Variants in EZH2 observed in about 807,000 individuals in gnomAD.
EZH2 encodes the protein histone-lysine N-methyltransferase EZH2.
In EZH2, 18 loss-of-function variants were observed where a neutral mutation model predicts 98.4. The observed-to-expected ratio is 0.18, with a 90% CI of 0.13 to 0.27. EZH2 has a LOEUF of 0.27. Ranked by LOEUF, EZH2 falls within the 10% of genes least tolerant of loss-of-function variation. EZH2 has a pLI of 1.00. For synonymous variants in EZH2, 338 were observed against 312.3 expected (o/e 1.08, Z -0.87); for missense variants, 470 against 935.1 (o/e 0.50, Z 6.49).
intron 3 of EZH2, among the ~76,000 whole-genome samples, chr7:148,841,116 A>G (rs1812311128): frequency 6.6e-6 from 1 of 152,140 alleles, no homozygotes; most frequent in Admixed American, 6.5e-5. Flanking sequence ...AATTTAAAAT[A>G]TAAACATAAT....
At chr7:148,836,946 T>G (rs938955302) in intron 3 of EZH2, 1 of 509,992 alleles carries the variant, frequency 2.0e-6, no homozygotes, top group Non-Finnish European at 3.9e-6. Flanking sequence ...AGAAGGCTGG[T>G]TCCAAGTAAA....
intron 1 of EZH2, among the ~76,000 whole-genome samples, chr7:148,881,972 G>GCA (rs3059438): frequency 0.055 from 7,301 of 131,726 alleles, 202 homozygotes; most frequent in South Asian, 0.11. Flanking sequence ...ACACGCGCGC[G>GCA]CACACACACA....
chr7:148,861,731 G>C (rs911988009), intron 1 of EZH2, among the ~76,000 whole-genome samples: 3 of 151,820 alleles, frequency 2.0e-5, no homozygotes, highest in South Asian at 4.2e-4. Flanking sequence ...AGCACTTTGC[G>C]GGGCTGAGGC....
chr7:148,846,306 A>G (rs1190002948), intron 3 of EZH2, among the ~76,000 whole-genome samples, 164 bp downstream of exon 3: 1 of 152,224 alleles, frequency 6.6e-6, no homozygotes, highest in Non-Finnish European at 1.5e-5. Context: ...AATAGCTAAT[A>G]GTGTGATCTA....
At chr7:148,866,709 T>C (rs1466109493) in intron 1 of EZH2, among the ~76,000 whole-genome samples, 1 of 147,622 alleles carries the variant, frequency 6.8e-6, no homozygotes, top group Admixed American at 6.8e-5. Context: ...TATATGCATA[T>C]ATATATATAT....
intron 9 of EZH2, among the ~76,000 whole-genome samples, chr7:148,818,450 A>G (rs553271448): frequency 6.6e-6 from 1 of 152,360 alleles, no homozygotes; most frequent in South Asian, 2.1e-4. Flanking sequence ...TCATGTAATA[A>G]AGGTAATTAT....
At chr7:148,829,081 T>C (rs1322794130) in intron 5 of EZH2, among the ~76,000 whole-genome samples, 4 of 152,182 alleles carry the variant, frequency 2.6e-5, no homozygotes, top group Non-Finnish European at 5.9e-5. Context: ...TAATACCTGC[T>C]ACTTTCTGTA....
At chr7:148,814,870 C>G (rs1294535611) in intron 14 of EZH2, 44 bp downstream of exon 14, 5 of 1,589,682 alleles carry the variant, frequency 3.1e-6, no homozygotes, top group Non-Finnish European at 4.3e-6. Context: ...AACCAAAGAC[C>G]TATTTAGTTC....
intron 3 of EZH2, among the ~76,000 whole-genome samples, chr7:148,838,795 G>A (rs1160380029): frequency 6.6e-6 from 1 of 152,210 alleles, no homozygotes; most frequent in Non-Finnish European, 1.5e-5. Context: ...GCTCAGGCCT[G>A]TAATCCCAGC....
Position 148,826,679 on chromosome 7 carries a change from CT to C in EZH2, c.729-48del, listed in dbSNP as rs1318585929. On this transcript the variant is annotated intron_variant, in intron 7 of 19. Transcript: ENST00000320356. ...TTAAGTAAACATGAAACAAAAATCA[CT>C]TTTTTGAAAACAGTTTCTAAAAGGT... is the stretch of plus-strand genomic sequence containing the variant. The C allele has an allele frequency of 2.9e-6, 4 of 1,396,908 alleles. No homozygotes were observed. The African/African-American group carries it at 4.3e-5, about 15-fold the overall frequency. 86.5% of individuals were successfully genotyped at this position (1,396,908 alleles called of 1,614,324 possible).
At chr7:148,837,240 C>A (rs1342426248) in intron 3 of EZH2, among the ~76,000 whole-genome samples, 2 of 152,144 alleles carry the variant, frequency 1.3e-5, no homozygotes, top group Non-Finnish European at 2.9e-5. Flanking sequence ...AATCAATTAG[C>A]CAAGTAAAAA....
At position 148,810,385 on chromosome 7, in the gene EZH2, T is replaced by C. The variant is rs1161358522; in HGVS notation, c.1977A>G (p.Arg659=). 1 of 1,610,992 alleles carries C rather than the reference T, an allele frequency of 6.2e-7. No homozygotes were observed. The stretch of plus-strand genomic sequence containing the variant: ...ACATGTATTTATCATACACTTTCCC[T>C]CTTCTGTCAGCTTCATCTTGAGAAA... ...EIISQDEADR[R]GKVYDKYMCS... Residue 659 remains arginine, a synonymous_variant, in exon 17 of 20, where the codon AGA becomes AGG. Coordinates refer to ENST00000320356, the MANE Select transcript of EZH2 (RefSeq NM_004456.5).
chr7:148,851,192 T>C (rs1216047657), intron 1 of EZH2, among the ~76,000 whole-genome samples: 1 of 152,022 alleles, frequency 6.6e-6, no homozygotes, highest in Non-Finnish European at 1.5e-5. Context: ...AGCCAAAAAA[T>C]GAGGTAAAGT....
intron 5 of EZH2, 53 bp downstream of exon 5, chr7:148,829,675 G>A: frequency 6.3e-7 from 1 of 1,581,614 alleles, no homozygotes; most frequent in African/African-American, 1.4e-5. Flanking sequence ...ATAAACAAAA[G>A]TGTCTCTCAA....
intron 1 of EZH2, among the ~76,000 whole-genome samples, chr7:148,856,607 C>G (rs866042444): frequency 3.3e-5 from 5 of 152,062 alleles, no homozygotes; most frequent in African/African-American, 1.2e-4. Flanking sequence ...ACAGCTGATT[C>G]TAGGGTTGGG....
chr7:148,878,128 T>A (rs1451340158), intron 1 of EZH2, among the ~76,000 whole-genome samples: 1 of 152,184 alleles, frequency 6.6e-6, no homozygotes, highest in Non-Finnish European at 1.5e-5. Flanking sequence ...CGTGTAAAAT[T>A]TACCATTTTA....
At chr7:148,809,456 G>A (rs1802436385) in intron 17 of EZH2, 66 bp from the exon 18 acceptor site, 4 of 1,330,996 alleles carry the variant, frequency 3.0e-6, no homozygotes, top group Non-Finnish European at 4.2e-6. Flanking sequence ...AAGTTATTAT[G>A]ATTTTGTAAA....
chr7:148,839,317 A>G (rs1032122649), intron 3 of EZH2, among the ~76,000 whole-genome samples: 6 of 152,262 alleles, frequency 3.9e-5, no homozygotes, highest in African/African-American at 1.4e-4. Context: ...CAAAATTAAA[A>G]ACCAAATCCC....
intron 1 of EZH2, among the ~76,000 whole-genome samples, chr7:148,857,078 A>G (rs1816939139): frequency 6.6e-6 from 1 of 152,254 alleles, no homozygotes; most frequent in African/African-American, 2.4e-5. Flanking sequence ...TGAGATGGGG[A>G]TTTCACCTCT....
Sources: gnomAD v4.1 joint callset for allele counts (sites outside exome capture counted in the v4.1 genomes callset) on GRCh38, gnomAD v4.1.1 for gene constraint, MANE v1.5 for transcripts, NCBI Gene and HGNC (gene_info 2026-07-23, HGNC 2026-07-21) for gene names.